MDC1: variants seen among roughly 807,000 people sequenced by gnomAD.
The protein encoded by MDC1 is mediator of DNA damage checkpoint 1, also known as mediator of DNA damage checkpoint protein 1.
MDC1 carries 81 observed loss-of-function variants against 142.5 expected under a neutral mutation model. The ratio of observed to expected loss-of-function variants is 0.57; its 90% confidence interval spans 0.47 to 0.68. The LOEUF (loss-of-function observed/expected upper bound fraction) is 0.68, where lower values mean the gene tolerates loss of function less well. Among genes scored for constraint, MDC1 ranks in the 30% least tolerant of loss-of-function variants. The pLI, the probability that MDC1 is intolerant of heterozygous loss-of-function variation, is 0.00. For missense variants in MDC1, 2,119 were observed against 2,547.9 expected (o/e 0.83, Z 3.62); for synonymous variants, 797 against 968.4 (o/e 0.82, Z 3.29).
chr6:30,703,482 G>A lies in MDC1; in HGVS notation c.5618C>T (p.Pro1873Leu), dbSNP rs1291426176. ...KRKRDQAEEEPNRIPSRSLRR... is the reference protein window; with the variant it reads ...KRKRDQAEEELNRIPSRSLRR... ...GAGGCTGCGGCTTGGTATTCTGTTG[G>A]GCTCCTCCTCTGCCTGGTCTCTCTT... Residue 1873 changes from proline to leucine, a missense_variant, in exon 11 of 15, where the codon CCC (proline) becomes CTC (leucine). Coordinates refer to ENST00000376406, the MANE Select transcript of MDC1 (RefSeq NM_014641.3). The surrounding 1 kb of genome is among the most constrained non-coding windows in gnomAD (Gnocchi z 4.4). 3.1e-6 allele frequency: 5 copies of A among 1,613,636 alleles called. No individual in the cohort carries two copies. The Admixed American group carries it at 8.3e-5, about 27-fold the overall frequency.
chr6:30,707,323 G>C lies in MDC1; in HGVS notation c.3084+61C>G. 1.0e-5 allele frequency: 15 copies of C among 1,501,808 alleles called. 1 individual carries two copies. The South Asian group carries it at 1.7e-4, about 17-fold the overall frequency. The allele number at this position is 1,501,808 out of a possible 1,614,324, so 93.0% of individuals were successfully genotyped here. A position where few individuals can be genotyped will look rare whatever the true frequency, so the allele number is the denominator to read the frequency against. On this transcript the variant is annotated intron_variant, in intron 9 of 14. Transcript: ENST00000376406. ...TAGATTAAAGTGAGGCTAGGTGAAA[G>C]AGCATTGGAGAAGATATAGAGATGA...
At chr6:30,710,816 G>A (rs1375876417) in intron 7 of MDC1, among the ~76,000 whole-genome samples, 2 of 152,114 alleles carry the variant, frequency 1.3e-5, no homozygotes, top group Non-Finnish European at 2.9e-5. Context: ...GACATTGGGG[G>A]TGGGGGTTGA....
chr6:30,712,358 T>A lies in MDC1; in HGVS notation c.1584A>T (p.Glu528Asp), dbSNP rs773134327. 6.2e-7 allele frequency: 1 copy of A among 1,613,076 alleles called. No homozygotes were observed. Among genetic ancestry groups the A allele is most frequent in the Admixed American group, 1.7e-5 (1 of 60,028 alleles). Residue 528 changes from glutamate to aspartate, a missense_variant, in exon 5 of 15, where the codon GAA (glutamate) becomes GAT (aspartate). Transcript: ENST00000376406. This position sits in a 1 kb window ranked among gnomAD's most constrained non-coding sequence, Gnocchi z 4.7. ...GTATAATGGCTGACCCTGGCGGGAC[T>A]TCCTTCTCCACTTGTGTGTTGATGT... ...TVDINTQVEK[E>D]VPPGSAIIHI... is the part of the protein sequence containing the mutation.
Position 30,704,584 on chromosome 6 carries a change from T to C in MDC1, c.4599A>G (p.Ala1533=). The change falls in exon 10 of 15, where the codon GCA becomes GCG. Residue 1533 remains alanine (A), a synonymous_variant. Transcript: ENST00000376406. The part of the protein sequence containing the change: ...SVKTPETVVP[A]APELQPSTST... ...AGGTGGAAGGCTGGAGCTCAGGGGC[T>C]GCGGGCACAACTGTTTCAGGGGTCT... 6.2e-7 allele frequency: 1 copy of C among 1,606,950 alleles called. No individual in the cohort carries two copies. Among genetic ancestry groups the C allele is most frequent in the Non-Finnish European group, 8.5e-7 (1 of 1,176,746 alleles).
chr6:30,706,538 C>T (rs1407810061), intron 9 of MDC1, among the ~76,000 whole-genome samples: 4 of 142,738 alleles, frequency 2.8e-5, no homozygotes, highest in African/African-American at 7.8e-5. Flanking sequence ...AGGAGAATGG[C>T]GTGAACTCGG....
Position 30,705,214 on chromosome 6 carries a change from T to C in MDC1, c.3969A>G (p.Glu1323=). 3 of 1,591,032 alleles carry C rather than the reference T, an allele frequency of 1.9e-6. No individual in the cohort carries two copies. Among genetic ancestry groups the C allele is most frequent in the Middle Eastern group, 1.7e-4 (1 of 6,000 alleles). Residue 1323 remains glutamate (E), a synonymous_variant, in exon 10 of 15, where the codon GAA becomes GAG. Coordinates refer to ENST00000376406, the MANE Select transcript of MDC1 (RefSeq NM_014641.3). The part of the protein sequence containing the change: ...RTNMSSVKTP[E]TVVPTAPELQ... Reference sequence around the variant, plus strand: ...GCTCAGGGGCTGTGGGGACAACTGTTTCAGGGGTCTTGACAGAGGACATAT... The same window carrying C: ...GCTCAGGGGCTGTGGGGACAACTGTCTCAGGGGTCTTGACAGAGGACATAT...
chr6:30,702,371 G>T (rs1358465376), intron 14 of MDC1, among the ~76,000 whole-genome samples, 182 bp downstream of exon 14: 1 of 151,290 alleles, frequency 6.6e-6, no homozygotes, highest in Admixed American at 6.6e-5. Flanking sequence ...TTATATGGGG[G>T]TATCAGCAGA....
Position 30,700,284 on chromosome 6 carries a change from C to CAAAA in MDC1, c.*177_*180dup. ...GCCATTAAAAAAACAAACAAACAAA[C>CAAAA]AAAAAACAACCTGTGGCTTCCAAAT... On this transcript the variant is annotated 3_prime_UTR_variant, in exon 15 of 15. Transcript: ENST00000376406. 1.9e-6 allele frequency: 1 copy of CAAAA among 539,884 alleles called. No homozygotes were observed. 33.4% of individuals were successfully genotyped at this position (539,884 alleles called of 1,614,324 possible). A position where few individuals can be genotyped will look rare whatever the true frequency, so the allele number is the denominator to read the frequency against.
At position 30,700,356 on chromosome 6, in the gene MDC1, T is replaced by G; in HGVS notation, c.*109A>C. The G allele has an allele frequency of 1.8e-6, 2 of 1,141,636 alleles. No homozygotes were observed. Among genetic ancestry groups the G allele is most frequent in the Non-Finnish European group, 2.4e-6 (2 of 833,928 alleles). The allele number at this position is 1,141,636 out of a possible 1,614,324, so 70.7% of individuals were successfully genotyped here. A position where few individuals can be genotyped will look rare whatever the true frequency, so the allele number is the denominator to read the frequency against. On this transcript the variant is annotated 3_prime_UTR_variant, in exon 15 of 15. Coordinates refer to ENST00000376406, the MANE Select transcript of MDC1 (RefSeq NM_014641.3). The stretch of plus-strand genomic sequence containing the variant: ...ATAAAGATTTCTGGTCCCACCCATG[T>G]TCCAGGACAAGTTGTATCAATATAC...
At position 30,707,687 on chromosome 6, in the gene MDC1, GCTGGAGGCCTGCCCTTTCTGGTC is replaced by G. The variant is rs1774127379; in HGVS notation, c.2869_2891del (p.Asp957ProfsTer51). On this transcript the variant is annotated frameshift_variant, in exon 8 of 15. Transcript: ENST00000376406. LOFTEE classifies it high-confidence loss of function. ...CCCCCACCCCAGGCTCTGGTGTTGG[GCTGGAGGCCTGCCCTTTCTGGTC>G]CTGGCTCCCTCCCTCTGGCTCCCCT... 6.2e-7 allele frequency: 1 copy of G among 1,612,964 alleles called. No homozygotes were observed. Among genetic ancestry groups the G allele is most frequent in the South Asian group, 1.1e-5 (1 of 91,094 alleles).
At chr6:30,702,461 C>T (rs1178978611) in intron 14 of MDC1, 92 bp downstream of exon 14, 2 of 981,982 alleles carry the variant, frequency 2.0e-6, no homozygotes, top group African/African-American at 3.3e-5. Context: ...CCTTTCTGAA[C>T]CTCCATTTTT....
chr6:30,711,124 C>T (rs1444503761), intron 7 of MDC1, among the ~76,000 whole-genome samples: 1 of 152,186 alleles, frequency 6.6e-6, no homozygotes, highest in Non-Finnish European at 1.5e-5. Context: ...CCTGCAATTC[C>T]AGCATTTTGG....
At chr6:30,714,229 CTGTCATTAGG>C in intron 2 of MDC1, 46 bp from the exon 3 acceptor site, 1 of 1,551,696 alleles carries the variant, frequency 6.4e-7, no homozygotes. Context: ...GAGTCCTGGC[CTGTCATTAGG>C]AAAAAGTGCC....
At position 30,707,751 on chromosome 6, in the gene MDC1, T is replaced by G; in HGVS notation, c.2828A>C (p.Glu943Ala). The part of the protein sequence containing the change: ...LEEKVPKVIL[E>A]RDTQRGEPEG... ...TGGCTCCCCTCTCTGTGTATCTCTC[T>G]CCAGGATCACTTTGGGCACCTTCTC... is the stretch of plus-strand genomic sequence containing the variant. The change falls in exon 8 of 15, where the codon GAG becomes GCG. Residue 943 changes from glutamate (E) to alanine (A), a missense_variant. Glu to Ala is a moderately radical substitution (Grantham distance 107, BLOSUM62 -1). Coordinates refer to ENST00000376406, the MANE Select transcript of MDC1 (RefSeq NM_014641.3). The G allele has an allele frequency of 6.2e-7, 1 of 1,613,128 alleles. No individual in the cohort carries two copies. The highest frequency in any genetic ancestry group is 1.7e-5 in the Admixed American group (1 of 60,028).
intron 9 of MDC1, 43 bp downstream of exon 9, chr6:30,707,341 A>C: frequency 2.6e-6 from 4 of 1,558,686 alleles, no homozygotes; most frequent in Non-Finnish European, 2.7e-6. Flanking sequence ...GAGAAGATAT[A>C]GAGATGACTT....
Position 30,711,668 on chromosome 6 carries a change from T to C in MDC1, c.2127A>G (p.Glu709=), listed in dbSNP as rs201861388. Residue 709 remains glutamate (E), a splice_region_variant and synonymous_variant, in exon 6 of 15, where the codon GAA becomes GAG. Transcript: ENST00000376406. ...TTCAAATAACACAGAAGTCCTCACC[T>C]TCCAGGCCCTGATTCTCCAGAAAGC... ...TQCFLENQGL[E]AVQSMEDEPT... The C allele has an allele frequency of 1.2e-4, 197 of 1,612,800 alleles. No homozygotes were observed. Among genetic ancestry groups the C allele is most frequent in the Non-Finnish European group, 1.5e-4 (173 of 1,179,960 alleles).
chr6:30,708,149 C>T lies in MDC1; in HGVS notation c.2430G>A (p.Val810=), dbSNP rs781695292. The T allele has an allele frequency of 5.6e-6, 9 of 1,612,996 alleles. No homozygotes were observed. In the African/African-American group the frequency reaches 1.1e-4, roughly 19 times the overall value. The change falls in exon 8 of 15, where the codon GTG becomes GTA. Residue 810 remains valine, a synonymous_variant. Transcript: ENST00000376406. ...MGIQGRGRQT[V]DKVMGIPKET... is the part of the protein sequence containing the mutation. ...CTTTTGGTATACCCATGACTTTATCCACAGTCTGCCTCCCTCTGCCTTGAA... is the reference window on the plus strand; with the variant it reads ...CTTTTGGTATACCCATGACTTTATCTACAGTCTGCCTCCCTCTGCCTTGAA...
In MDC1 at chr6:30,709,752, A is replaced by C. The variant is rs1774534885; in HGVS notation, c.2222-1395T>G. 6.6e-6 allele frequency among the ~76,000 whole-genome samples: 1 copy of C among 152,214 alleles called. No homozygotes were observed. The highest frequency in any genetic ancestry group is 2.1e-4 in the South Asian group (1 of 4,814). The stretch of plus-strand genomic sequence containing the variant: ...GTTTTTAGCTCCCACATGAGTGAGC[A>C]TACAATATTTGCCTTTCTGTGCTGA... On this transcript the variant is annotated intron_variant, in intron 7 of 14. Transcript: ENST00000376406. The surrounding 1 kb of genome is among the most constrained non-coding windows in gnomAD (Gnocchi z 4.2).
Position 30,703,808 on chromosome 6 carries a change from TC to T in MDC1, c.5374del (p.Glu1792AsnfsTer24). On this transcript the variant is annotated frameshift_variant, in exon 10 of 15. Transcript: ENST00000376406. LOFTEE classifies it high-confidence loss of function. The surrounding 1 kb of genome is among the most constrained non-coding windows in gnomAD (Gnocchi z 4.4). The stretch of plus-strand genomic sequence containing the variant: ...GGTGAACCTAGATCTACCTGCTGGT[TC>T]CACCTTTTGGATCTGGGAGGCATGA... ...PIHASQIQKV[E>X]PAGRSRFTPE... is the part of the protein sequence containing the mutation. The T allele has an allele frequency of 6.2e-7, 1 of 1,604,762 alleles. No individual in the cohort carries two copies. The highest frequency in any genetic ancestry group is 1.1e-5 in the South Asian group (1 of 89,412).
Sources: gnomAD v4.1 joint callset for allele counts (sites outside exome capture counted in the v4.1 genomes callset) on GRCh38, gnomAD v4.1.1 for gene constraint, Gnocchi (gnomAD v3.1) non-coding constraint, MANE v1.5 for transcripts, NCBI Gene and HGNC (gene_info 2026-07-23, HGNC 2026-07-21) for gene names.